The following BCO1 variants were observed in gnomAD, a reference collection of about 807,000 sequenced individuals.
BCO1 encodes beta,beta-carotene 15,15'-dioxygenase.
Under a neutral mutation model 56.3 loss-of-function variants are expected in BCO1, and 54 were observed. The ratio of observed to expected loss-of-function variants is 0.96; its 90% CI spans 0.77 to 1.20. The LOEUF (loss-of-function observed/expected upper bound fraction) is 1.20, where lower values mean the gene tolerates loss of function less well. Among genes scored for constraint, BCO1 ranks in the 50% most tolerant of loss-of-function variants. The pLI, the probability that BCO1 is intolerant of heterozygous loss-of-function variation, is 0.00. For missense variants in BCO1, 801 were observed against 690.9 expected, an observed-to-expected ratio of 1.16 and a Z score of -1.79; for synonymous variants, 318 against 266.1, an observed-to-expected ratio of 1.20 and a Z score of -1.90.
chr16:81,274,875 A>G (rs897125832), intron 7 of BCO1, among the ~76,000 whole-genome samples: 10 of 151,704 alleles, frequency 6.6e-5, no homozygotes, highest in Admixed American at 2.0e-4. Context: ...GCACTCCAGC[A>G]TGGGCAACAG....
At chr16:81,276,795 G>C (rs1907582621) in intron 7 of BCO1, among the ~76,000 whole-genome samples, 1 of 152,108 alleles carries the variant, frequency 6.6e-6, no homozygotes, top group African/African-American at 2.4e-5. Context: ...GGCCAGGCAT[G>C]GTGGCTCACG....
At chr16:81,264,409 C>A (rs184608313) in intron 4 of BCO1, among the ~76,000 whole-genome samples, 4 of 152,294 alleles carry the variant, frequency 2.6e-5, no homozygotes, top group African/African-American at 2.4e-5. Context: ...TCCCTCAAAT[C>A]CCCATGTGAG....
chr16:81,275,194 T>A (rs1907478458), intron 7 of BCO1, among the ~76,000 whole-genome samples: 1 of 152,236 alleles, frequency 6.6e-6, no homozygotes, highest in Non-Finnish European at 1.5e-5. Context: ...TCAGATGCCC[T>A]CTGGGCCTGA....
intron 10 of BCO1, 141 bp downstream of exon 10, chr16:81,287,547 CA>C: frequency 1.4e-6 from 1 of 736,952 alleles, no homozygotes; most frequent in Non-Finnish European, 2.4e-6. Flanking sequence ...CTGTCTGGGT[CA>C]AAGCTAAAGG....
chr16:81,279,603 T>A (rs951741081), intron 7 of BCO1, among the ~76,000 whole-genome samples: 2 of 152,198 alleles, frequency 1.3e-5, no homozygotes, highest in Non-Finnish European at 2.9e-5. Context: ...AAGATGCATA[T>A]GCTATTAATA....
Position 81,247,601 on chromosome 16 carries a change from A to G in BCO1, c.193+1998A>G, listed in dbSNP as rs1003060048. ...GTGTGCAATGGTGCAATCTCAGCTC[A>G]CCACAGCCTCCACTTCCTGGGTTCA... On this transcript the variant is annotated intron_variant, in intron 2 of 10. Coordinates refer to ENST00000258168, the MANE Select transcript of BCO1 (RefSeq NM_017429.3). Among the ~76,000 whole-genome samples the G allele has an allele frequency of 7.9e-5, 12 of 152,132 alleles. No homozygotes were observed. The East Asian group carries it at 2.3e-3, about 29-fold the overall frequency.
intron 2 of BCO1, among the ~76,000 whole-genome samples, chr16:81,249,483 C>T (rs1905650556): frequency 6.6e-6 from 1 of 152,170 alleles, no homozygotes; most frequent in Non-Finnish European, 1.5e-5. Context: ...GTCTTGATCT[C>T]CTGACCTCGT....
chr16:81,288,193 CCACT>C (rs1328866753), intron 10 of BCO1, among the ~76,000 whole-genome samples: 1 of 146,248 alleles, frequency 6.8e-6, no homozygotes, highest in African/African-American at 2.4e-5. Context: ...CATCTCCTTT[CCACT>C]CAGTGACATT....
intron 8 of BCO1, among the ~76,000 whole-genome samples, chr16:81,284,302 A>T (rs1408467533): frequency 6.8e-6 from 1 of 146,834 alleles, no homozygotes; most frequent in Non-Finnish European, 1.5e-5. Flanking sequence ...TTATATATAC[A>T]CACACATTTA....
At chr16:81,251,488 A>G (rs1330116745) in intron 2 of BCO1, among the ~76,000 whole-genome samples, 1 of 150,424 alleles carries the variant, frequency 6.6e-6, no homozygotes, top group Non-Finnish European at 1.5e-5. Context: ...TGAGCCTTGG[A>G]GGCAGAGGCT....
At chr16:81,269,322 G>A (rs1471822348) in intron 6 of BCO1, among the ~76,000 whole-genome samples, 2 of 145,440 alleles carry the variant, frequency 1.4e-5, no homozygotes, top group African/African-American at 5.2e-5. Flanking sequence ...TTTTCAGATA[G>A]AGTCTCACTC....
chr16:81,261,907 G>A lies in BCO1; in HGVS notation c.324-229G>A, dbSNP rs760080668. On this transcript the variant is annotated intron_variant, in intron 3 of 10. Transcript: ENST00000258168. ...CAGGCGCCTGCCACCACGCCCGGCTGATTTTTTGTATTTTTTAGTACAGAC... is the reference window on the plus strand; with the variant it reads ...CAGGCGCCTGCCACCACGCCCGGCTAATTTTTTGTATTTTTTAGTACAGAC... 1.6e-4 allele frequency: 71 copies of A among 446,472 alleles called. 1 individual carries two copies. The highest frequency in any genetic ancestry group is 1.4e-3 in the Middle Eastern group (2 of 1,468). The allele number at this position is 446,472 out of a possible 1,614,324, so 27.7% of individuals were successfully genotyped here. A position where few individuals can be genotyped will look rare whatever the true frequency, so the allele number is the denominator to read the frequency against.
rs760132973 is a variant in BCO1, at chr16:81,280,861, C to G, written c.1106C>G (p.Ala369Gly). ...TTGAAAACTGAATTTTTTCAGAATGCAGAAGTGGGCACAAATTTAATCAAA... is the reference window on the plus strand; with the variant it reads ...TTGAAAACTGAATTTTTTCAGAATGGAGAAGTGGGCACAAATTTAATCAAA... ...FAVPLHVDKNAEVGTNLIKVA... is the reference protein window; with the variant it reads ...FAVPLHVDKNGEVGTNLIKVA... The change falls in exon 8 of 11, where the codon GCA (alanine) becomes GGA (glycine). Residue 369 changes from alanine (A) to glycine (G), a missense_variant. Transcript: ENST00000258168. The G allele has an allele frequency of 1.2e-6, 2 of 1,612,070 alleles. No individual in the cohort carries two copies. The highest frequency in any genetic ancestry group is 3.3e-5 in the Admixed American group (2 of 60,016).
In BCO1 at chr16:81,259,720, A is replaced by G. The variant is rs1906366179; in HGVS notation, c.238A>G (p.Asn80Asp). The change falls in exon 3 of 11, where the codon AAC (asparagine) becomes GAC (aspartate). Residue 80 changes from asparagine to aspartate, a missense_variant. Physicochemically the swap from Asn to Asp is conservative, Grantham distance 23. Coordinates refer to ENST00000258168, the MANE Select transcript of BCO1 (RefSeq NM_017429.3). ...CAAATACCTGAGAAGCGATACCTAC[A>G]ACACCAATATTGAGGCAAACAGGAT... is the stretch of plus-strand genomic sequence containing the variant. ...RSKYLRSDTY[N>D]TNIEANRIVV... 6.2e-7 allele frequency: 1 copy of G among 1,614,096 alleles called. No homozygotes were observed. Among genetic ancestry groups the G allele is most frequent in the South Asian group, 1.1e-5 (1 of 91,090 alleles).
intron 2 of BCO1, among the ~76,000 whole-genome samples, chr16:81,248,405 C>CAAAAAAAAAAAAAAAAAAAAAA (rs372084002): frequency 1.9e-4 from 20 of 102,794 alleles, no homozygotes; most frequent in African/African-American, 8.4e-4. Flanking sequence ...CTCCCTCTCA[C>CAAAAAAAAAAAAAAAAAAAAAA]AAAAAAAAAA....
intron 7 of BCO1, among the ~76,000 whole-genome samples, chr16:81,278,600 G>C (rs1430048743): frequency 6.6e-6 from 1 of 152,204 alleles, no homozygotes; most frequent in Admixed American, 6.5e-5. Flanking sequence ...TCATAAAGGA[G>C]ATAATTACAG....
At chr16:81,283,400 GACA>G in intron 8 of BCO1, among the ~76,000 whole-genome samples, 1 of 151,848 alleles carries the variant, frequency 6.6e-6, no homozygotes, top group Non-Finnish European at 1.5e-5. Flanking sequence ...GACCAGCCTG[GACA>G]ACATGGCAAA....
chr16:81,247,022 AGGTGTCT>A (rs1234585953), intron 2 of BCO1, among the ~76,000 whole-genome samples: 1 of 152,152 alleles, frequency 6.6e-6, no homozygotes, highest in Non-Finnish European at 1.5e-5. Flanking sequence ...TTCTGAGTTC[AGGTGTCT>A]GGCTCATGAG....
At chr16:81,287,966 G>C (rs936795676) in intron 10 of BCO1, among the ~76,000 whole-genome samples, 18 of 152,156 alleles carry the variant, frequency 1.2e-4, no homozygotes, top group African/African-American at 4.1e-4. Flanking sequence ...TTAGTCTTCA[G>C]TCCTCCTGGA....
Sources: gnomAD v4.1 joint callset for allele counts (sites outside exome capture counted in the v4.1 genomes callset) on GRCh38, gnomAD v4.1.1 for gene constraint, MANE v1.5 for transcripts, NCBI Gene and HGNC (gene_info 2026-07-23, HGNC 2026-07-21) for gene names.